The following PAM variants were observed in gnomAD, a reference collection of about 807,000 sequenced individuals.
PAM encodes the protein peptidyl-glycine alpha-amidating monooxygenase.
A neutral mutation model predicts 122.1 loss-of-function variants in PAM; 72 were observed. The observed-to-expected ratio is 0.59, with a 90% CI of 0.49 to 0.72. PAM has a LOEUF of 0.72. Among genes scored for constraint, PAM ranks in the 30% least tolerant of loss-of-function variants. PAM has a pLI of 0.00. For synonymous variants in PAM, 389 were observed against 404.4 expected (o/e 0.96, Z 0.46); for missense variants, 1,106 against 1,183.7 (o/e 0.93, Z 0.96).
At chr5:102,926,498 C>T in intron 6 of PAM, 87 bp from the exon 7 acceptor site, 5 of 751,608 alleles carry the variant, frequency 6.7e-6, no homozygotes, top group Admixed American at 1.9e-5. Flanking sequence ...ATGTTATTTC[C>T]CTTTGGAGTT....
chr5:103,005,283 G>C, intron 18 of PAM, 57 bp downstream of exon 18: 1 of 901,000 alleles, frequency 1.1e-6, no homozygotes, highest in South Asian at 1.3e-5. Context: ...TGCTTTTGAA[G>C]AGCTCTGGAG....
At chr5:102,861,781 A>C (rs980433613) in intron 1 of PAM, among the ~76,000 whole-genome samples, 1 of 152,194 alleles carries the variant, frequency 6.6e-6, no homozygotes, top group Non-Finnish European at 1.5e-5. Context: ...TAAAATGATT[A>C]CGGAAAAAAG....
intron 1 of PAM, among the ~76,000 whole-genome samples, chr5:102,789,435 A>G (rs948166919): frequency 1.3e-5 from 2 of 152,164 alleles, no homozygotes; most frequent in Admixed American, 1.3e-4. Context: ...GAATATGCAT[A>G]TGATGTAATA....
chr5:102,866,072 C>T lies in PAM; in HGVS notation c.-124C>T, dbSNP rs371234721. The T allele has an allele frequency of 3.6e-6, 2 of 554,196 alleles. No homozygotes were observed. The highest frequency in any genetic ancestry group is 3.3e-5 in the East Asian group (1 of 29,892). 34.3% of individuals were successfully genotyped at this position (554,196 alleles called of 1,614,324 possible). A position where few individuals can be genotyped will look rare whatever the true frequency, so the allele number is the denominator to read the frequency against. ...GCTGGCGGATGGTGTGTGGCCGCCG[C>T]AGGACGCCCGCCGTGCCCGGGCCAT... is the stretch of plus-strand genomic sequence containing the variant. On this transcript the variant is annotated 5_prime_UTR_variant, in exon 2 of 26. Transcript: ENST00000438793.
chr5:102,844,861 C>T (rs974974910), intron 1 of PAM, among the ~76,000 whole-genome samples: 2 of 152,162 alleles, frequency 1.3e-5, no homozygotes, highest in Non-Finnish European at 2.9e-5. Flanking sequence ...CCACCTTCCT[C>T]GGAATGCCCT....
chr5:102,921,890 G>A lies in PAM; in HGVS notation c.357-3067G>A, dbSNP rs534446323. Among the ~76,000 whole-genome samples the A allele has an allele frequency of 4.6e-5, 7 of 152,246 alleles. No homozygotes were observed. In the East Asian group the frequency reaches 1.4e-3, roughly 29 times the overall value. On this transcript the variant is annotated intron_variant, in intron 5 of 25. Transcript: ENST00000438793. ...TCATGGTTTAGCTGTTTGACCTTTG[G>A]AAGTTACTTAAACTCTCTGAGCTTA...
intron 11 of PAM, 139 bp from the exon 12 acceptor site, chr5:102,950,578 T>C (rs994720244): frequency 2.0e-5 from 12 of 592,152 alleles, no homozygotes; most frequent in Non-Finnish European, 3.4e-5. Flanking sequence ...TGAAAAAGCA[T>C]TTGATAAAAT....
At chr5:102,870,233 T>A (rs576875372) in intron 3 of PAM, among the ~76,000 whole-genome samples, 29 of 152,252 alleles carry the variant, frequency 1.9e-4, no homozygotes, top group Non-Finnish European at 7.4e-5. Context: ...AAGATTTTTT[T>A]AAAATAAAGT....
At chr5:102,992,143 TG>T (rs1232577153) in intron 16 of PAM, among the ~76,000 whole-genome samples, 1 of 152,176 alleles carries the variant, frequency 6.6e-6, no homozygotes, top group Non-Finnish European at 1.5e-5. Flanking sequence ...CTTATCTGGC[TG>T]TGCTAGCATC....
At chr5:102,853,420 T>C (rs1781803634) in intron 1 of PAM, among the ~76,000 whole-genome samples, 1 of 152,184 alleles carries the variant, frequency 6.6e-6, no homozygotes, top group South Asian at 2.1e-4. Flanking sequence ...GTAAAGTGCC[T>C]GACGTCTGAA....
At chr5:102,999,861 T>C (rs1776857380) in intron 16 of PAM, among the ~76,000 whole-genome samples, 1 of 152,190 alleles carries the variant, frequency 6.6e-6, no homozygotes, top group Non-Finnish European at 1.5e-5. Flanking sequence ...TTTTTCCTCC[T>C]GGGCCACTGG....
chr5:102,761,736 CTTATG>C (rs1752418704), intron 1 of PAM, among the ~76,000 whole-genome samples: 1 of 152,196 alleles, frequency 6.6e-6, no homozygotes, highest in South Asian at 2.1e-4. Flanking sequence ...TTTTTAAGCA[CTTATG>C]TTATCTTTTA....
chr5:103,016,553 T>C (rs1246624505), intron 21 of PAM, among the ~76,000 whole-genome samples: 88 of 152,188 alleles, frequency 5.8e-4, no homozygotes, highest in Non-Finnish European at 4.4e-5. Flanking sequence ...TTCCAAGAAC[T>C]AGTTTGGTGA....
At chr5:102,904,814 A>G (rs927114586) in intron 4 of PAM, among the ~76,000 whole-genome samples, 3 of 151,680 alleles carry the variant, frequency 2.0e-5, no homozygotes, top group African/African-American at 7.2e-5. Context: ...ATTCGATTTG[A>G]ATAACTCACT....
chr5:102,972,537 C>T (rs1766184823), intron 14 of PAM, among the ~76,000 whole-genome samples: 1 of 151,828 alleles, frequency 6.6e-6, no homozygotes, highest in Admixed American at 6.6e-5. Flanking sequence ...CTGCCTGGGC[C>T]TCCCAAAGTG....
At chr5:102,941,526 AT>A (rs1388739692) in intron 7 of PAM, among the ~76,000 whole-genome samples, 4 of 152,096 alleles carry the variant, frequency 2.6e-5, no homozygotes, top group African/African-American at 9.7e-5. Context: ...CAGTCCCCCA[AT>A]TTCACTTATA....
At chr5:102,927,429 A>C (rs1013144716) in intron 7 of PAM, among the ~76,000 whole-genome samples, 3 of 152,146 alleles carry the variant, frequency 2.0e-5, no homozygotes, top group African/African-American at 4.8e-5. Context: ...TTGCTTTTCT[A>C]CTATGTCTTG....
chr5:102,830,561 C>T (rs1375817287), intron 1 of PAM, among the ~76,000 whole-genome samples: 10 of 152,278 alleles, frequency 6.6e-5, no homozygotes, highest in African/African-American at 2.4e-4. Context: ...AATGAGAAGA[C>T]ATTCTAGGAA....
intron 1 of PAM, among the ~76,000 whole-genome samples, chr5:102,816,375 A>C (rs1214651699): frequency 6.6e-6 from 1 of 152,158 alleles, no homozygotes; most frequent in Admixed American, 6.6e-5. Context: ...AGATGAGAAC[A>C]CAGGACTGTG....
Sources: gnomAD v4.1 joint callset for allele counts (sites outside exome capture counted in the v4.1 genomes callset) on GRCh38, gnomAD v4.1.1 for gene constraint, MANE v1.5 for transcripts, NCBI Gene and HGNC (gene_info 2026-07-23, HGNC 2026-07-21) for gene names.